The following PVT1 variants were observed in gnomAD, a reference collection of about 807,000 sequenced individuals.
The protein encoded by PVT1 is CXCR4/PVT1 fusion.
chr8:127,991,891 A>T (rs1159425267), intron 4 of PVT1, among the ~76,000 whole-genome samples: 1 of 152,114 alleles, frequency 6.6e-6, no homozygotes, highest in African/African-American at 2.4e-5. Flanking sequence ...GCTGGGACGC[A>T]CACCAATAGG....
At chr8:127,909,998 G>A (rs1025577209) in intron 3 of PVT1, among the ~76,000 whole-genome samples, 4 of 152,098 alleles carry the variant, frequency 2.6e-5, no homozygotes, top group African/African-American at 4.8e-5. Context: ...ACCAGAGTGG[G>A]AGGCAATTTT....
At chr8:127,817,450 C>A (rs1188401500) in intron 2 of PVT1, among the ~76,000 whole-genome samples, 1 of 125,342 alleles carries the variant, frequency 8.0e-6, no homozygotes, top group Non-Finnish European at 1.6e-5. Context: ...CTCAATTTAA[C>A]CCTTAGGGAA....
At chr8:128,005,518 G>C (rs1476668467) in intron 4 of PVT1, among the ~76,000 whole-genome samples, 2 of 152,258 alleles carry the variant, frequency 1.3e-5, no homozygotes, top group East Asian at 3.9e-4. Context: ...TCTTTCCCCT[G>C]CTATCTTTTG....
chr8:128,082,278 G>A (rs1317143226), intron 5 of PVT1, among the ~76,000 whole-genome samples: 1 of 152,200 alleles, frequency 6.6e-6, no homozygotes, highest in Non-Finnish European at 1.5e-5. Flanking sequence ...TGTTCGGGGT[G>A]CTACAGCTTT....
chr8:128,084,899 C>A (rs1031075971), intron 5 of PVT1, among the ~76,000 whole-genome samples: 3 of 152,190 alleles, frequency 2.0e-5, no homozygotes, highest in Admixed American at 6.5e-5. Flanking sequence ...GATTAGTTCA[C>A]GCTCTCTTTT....
chr8:127,984,446 A>G (rs942242747), intron 3 of PVT1, among the ~76,000 whole-genome samples: 1 of 152,188 alleles, frequency 6.6e-6, no homozygotes, highest in African/African-American at 2.4e-5. Context: ...CTGAAACCTA[A>G]TTTGCCTACC....
chr8:127,918,085 T>C (rs572082981), intron 3 of PVT1, among the ~76,000 whole-genome samples: 1 of 152,398 alleles, frequency 6.6e-6, no homozygotes, highest in African/African-American at 2.4e-5. Flanking sequence ...TCATGCGCTC[T>C]GCAGCGCTGC....
chr8:127,805,691 A>G (rs946013487), intron 2 of PVT1, among the ~76,000 whole-genome samples: 1 of 152,176 alleles, frequency 6.6e-6, no homozygotes, highest in Non-Finnish European at 1.5e-5. Flanking sequence ...GTAGTGATCA[A>G]AGTAGATCAA....
At chr8:127,973,680 G>GA (rs34973809) in intron 3 of PVT1, among the ~76,000 whole-genome samples, 81,578 of 143,498 alleles carry the variant, frequency 0.57, 23,870 homozygotes, top group South Asian at 0.79. Context: ...TTGCCTTTTT[G>GA]AAAAAAAAAA....
chr8:128,060,083 C>T (rs992206007), intron 4 of PVT1, among the ~76,000 whole-genome samples: 2 of 152,090 alleles, frequency 1.3e-5, no homozygotes, highest in Admixed American at 6.5e-5. Context: ...GGTGAAACCC[C>T]GTCTCTACTA....
intron 4 of PVT1, among the ~76,000 whole-genome samples, chr8:127,995,456 A>AC (rs1211523646): frequency 2.0e-5 from 3 of 151,788 alleles, no homozygotes; most frequent in Non-Finnish European, 2.9e-5. Context: ...TTTAAGATAC[A>AC]CCCCCCACAT....
intron 3 of PVT1, among the ~76,000 whole-genome samples, chr8:127,959,793 T>A (rs547445954): frequency 1.3e-5 from 2 of 152,234 alleles, no homozygotes; most frequent in South Asian, 4.2e-4. Flanking sequence ...AGAAGGGGGT[T>A]GGGACCTAGG....
intron 2 of PVT1, among the ~76,000 whole-genome samples, chr8:127,843,039 A>G (rs1814990107): frequency 6.6e-6 from 1 of 152,158 alleles, no homozygotes; most frequent in African/African-American, 2.4e-5. Flanking sequence ...GACCCTACCT[A>G]CCACACAGGT....
intron 3 of PVT1, among the ~76,000 whole-genome samples, chr8:127,986,463 C>T (rs920859650): frequency 6.6e-6 from 1 of 152,220 alleles, no homozygotes; most frequent in Non-Finnish European, 1.5e-5. Context: ...GTCAACCACA[C>T]AGCAGGTAGA....
At chr8:128,050,616 G>C (rs890310859) in intron 4 of PVT1, among the ~76,000 whole-genome samples, 1 of 152,158 alleles carries the variant, frequency 6.6e-6, no homozygotes, top group Non-Finnish European at 1.5e-5. Flanking sequence ...AGAGTGCTGG[G>C]TTCAGACCTC....
At chr8:128,047,425 A>G (rs770635506) in intron 4 of PVT1, among the ~76,000 whole-genome samples, 2 of 152,188 alleles carry the variant, frequency 1.3e-5, no homozygotes, top group African/African-American at 4.8e-5. Context: ...GCTTTTGTGG[A>G]AATGGTGGCA....
At position 127,872,270 on chromosome 8, in the gene PVT1, G is replaced by A. The variant is rs1047149807; in HGVS notation, n.373-18319G>A. ...CTCCACTAAAAATACAAAAATAGCC[G>A]GGCTTGGTGGTGGGTGCCTGTGACC... is the stretch of plus-strand genomic sequence containing the variant. On this transcript the variant is annotated intron_variant and non_coding_transcript_variant, in intron 2 of 10. Transcript: ENST00000651587. Among the ~76,000 whole-genome samples, 3 of 151,358 alleles carry A rather than the reference G, an allele frequency of 2.0e-5. 1 individual carries two copies. The highest frequency in any genetic ancestry group is 4.4e-5 in the Non-Finnish European group (3 of 67,896).
intron 3 of PVT1, among the ~76,000 whole-genome samples, chr8:127,921,539 C>T (rs891992247): frequency 4.0e-4 from 61 of 152,258 alleles, no homozygotes; most frequent in South Asian, 1.0e-3. Flanking sequence ...GGGCCGGGCA[C>T]AGTGGCTCCT....
At chr8:127,932,757 T>TA (rs1816223371) in intron 3 of PVT1, 1 of 344,448 alleles carries the variant, frequency 2.9e-6, no homozygotes, top group African/African-American at 2.1e-5. Flanking sequence ...CTCAATAAGC[T>TA]GATATATAGT....
Sources: allele counts gnomAD v4.1 joint callset (sites outside exome capture counted in the v4.1 genomes callset), GRCh38; gene constraint gnomAD v4.1.1; transcripts MANE v1.5; gene names NCBI Gene and HGNC (gene_info 2026-07-23, HGNC 2026-07-21).